Variants in IGBP1 observed in about 807,000 individuals in gnomAD.
IGBP1 encodes immunoglobulin-binding protein 1.
Under a neutral mutation model 25.9 loss-of-function variants are expected in IGBP1, and 2 were observed. The observed-to-expected ratio is 0.08, with a 90% CI of 0.03 to 0.24. IGBP1 has a LOEUF of 0.24. IGBP1 is among the 10% of genes least tolerant of loss of function. The probability of loss-of-function intolerance (pLI) is 1.00; values close to 1 mark genes in which losing one functional copy is unlikely to be tolerated. For missense variants in IGBP1, 187 were observed against 260.4 expected, an observed-to-expected ratio of 0.72 and a Z score of 1.94; for synonymous variants, 96 against 93.4, an observed-to-expected ratio of 1.03 and a Z score of -0.16.
At position 70,150,089 on chromosome X, in the gene IGBP1, G is replaced by A. The variant is rs2085193006; in HGVS notation, c.759-121G>A. The A allele has an allele frequency of 1.3e-5, 7 of 525,340 alleles. No homozygotes were observed. In the East Asian group the frequency reaches 2.5e-4, roughly 19 times the overall value. The allele number at this position is 525,340 out of a possible 1,213,427, so 43.3% of individuals were successfully genotyped here. Reference sequence around the variant, plus strand: ...AACTCCTCAGAAGTTGACTGGGTAGGGAACAAGGCTGAAACGGACACAGAC... The same window carrying A: ...AACTCCTCAGAAGTTGACTGGGTAGAGAACAAGGCTGAAACGGACACAGAC... On this transcript the variant is annotated intron_variant, in intron 5 of 6. Coordinates refer to ENST00000356413, the MANE Select transcript of IGBP1 (RefSeq NM_001551.3).
At chrX:70,146,434 C>T (rs1569422581) in intron 3 of IGBP1, among the ~76,000 whole-genome samples, 199 bp from the exon 4 acceptor site, 1 of 110,308 alleles carries the variant, frequency 9.1e-6, no homozygotes, top group Non-Finnish European at 1.9e-5. Context: ...ACTCCTCAGC[C>T]CCTGCTGGGC....
intron 6 of IGBP1, among the ~76,000 whole-genome samples, chrX:70,156,833 G>A (rs905473511): frequency 2.7e-5 from 3 of 111,362 alleles, no homozygotes; most frequent in Non-Finnish European, 3.8e-5. Context: ...CCAGCTATTC[G>A]GGAGGCCGAG....
At chrX:70,155,264 A>G (rs2085232254) in intron 6 of IGBP1, among the ~76,000 whole-genome samples, 2 of 112,097 alleles carry the variant, frequency 1.8e-5, no homozygotes, top group African/African-American at 6.5e-5. Context: ...TGGGAGGCCA[A>G]GGCAGGCGGA....
At chrX:70,150,097 G>T (rs2085193038) in intron 5 of IGBP1, 113 bp from the exon 6 acceptor site, 1 of 528,555 alleles carries the variant, frequency 1.9e-6, no homozygotes, top group Admixed American at 2.7e-5. Context: ...AGGGAACAAG[G>T]CTGAAACGGA....
intron 6 of IGBP1, among the ~76,000 whole-genome samples, chrX:70,160,797 C>T (rs895096255): frequency 8.9e-6 from 1 of 111,917 alleles, no homozygotes; most frequent in Non-Finnish European, 1.9e-5. Flanking sequence ...AAAATTTTAA[C>T]AGTTCTCAGT....
rs1329081037 is a variant in IGBP1 at position 70,133,939 on chromosome X, C to T, written c.-9C>T. 2 of 1,209,161 alleles carry T rather than the reference C, an allele frequency of 1.7e-6. No homozygotes were observed. The highest frequency in any genetic ancestry group is 2.2e-6 in the Non-Finnish European group (2 of 893,380). On this transcript the variant is annotated 5_prime_UTR_variant, in exon 2 of 7. Coordinates refer to ENST00000356413, the MANE Select transcript of IGBP1 (RefSeq NM_001551.3). Reference sequence around the variant, plus strand: ...GAAAAGAGATCTTCCGGGTTCCTCTCTCCCCAAGATGGCTGCTGAGGACGA... The same window carrying T: ...GAAAAGAGATCTTCCGGGTTCCTCTTTCCCCAAGATGGCTGCTGAGGACGA...
At chrX:70,162,410 A>G (rs982843756) in intron 6 of IGBP1, among the ~76,000 whole-genome samples, 1 of 112,265 alleles carries the variant, frequency 8.9e-6, no homozygotes, top group African/African-American at 3.2e-5. Flanking sequence ...GAAACAGACA[A>G]CAAAATGTAC....
In IGBP1 at chrX:70,150,282, T is replaced by C. The variant is rs1216933711; in HGVS notation, c.831T>C (p.Tyr277=). The C allele has an allele frequency of 4.2e-6, 5 of 1,201,967 alleles. No homozygotes were observed. The African/African-American group carries it at 7.0e-5, about 17-fold the overall frequency. Residue 277 remains tyrosine (Y), a synonymous_variant, in exon 6 of 7, where the codon TAT becomes TAC. Coordinates refer to ENST00000356413, the MANE Select transcript of IGBP1 (RefSeq NM_001551.3). ...VSDWYEQHRK[Y]GALPDQGIAK... ...ACTGGTATGAGCAACATCGGAAATA[T>C]GGAGCATTACCGGATCAGGGAATAG...
At chrX:70,152,104 T>C (rs969054397) in intron 6 of IGBP1, among the ~76,000 whole-genome samples, 3 of 110,970 alleles carry the variant, frequency 2.7e-5, no homozygotes, top group Non-Finnish European at 5.7e-5. Context: ...GTCTTACTGT[T>C]TGAGGAATGA....
At position 70,155,513 on chromosome X, in the gene IGBP1, A is replaced by G. The variant is rs1490115250; in HGVS notation, c.871+5191A>G. On this transcript the variant is annotated intron_variant, in intron 6 of 6. Coordinates refer to ENST00000356413, the MANE Select transcript of IGBP1 (RefSeq NM_001551.3). ...CTGTCTCAAAAAAAAAAAAAAAAAA[A>G]AAGATATATAGGTTGAGCATCCTAA... 8.3e-5 allele frequency among the ~76,000 whole-genome samples: 9 copies of G among 109,027 alleles called. No homozygotes were observed. The Admixed American group carries it at 8.9e-4, about 11-fold the overall frequency. 94.7% of individuals were successfully genotyped at this position (109,027 alleles called of 115,157 possible).
Position 70,146,686 on chromosome X carries a change from T to C in IGBP1, c.536T>C (p.Val179Ala), listed in dbSNP as rs368773089. The change falls in exon 4 of 7, where the codon GTG becomes GCG. Residue 179 changes from valine to alanine, a missense_variant. Transcript: ENST00000356413. Reference sequence around the variant, plus strand: ...AGGTTGTCTGCAATGAAATCTGCTGTGGAAAGTGGTCAAGCAGATGATGAG... The same window carrying C: ...AGGTTGTCTGCAATGAAATCTGCTGCGGAAAGTGGTCAAGCAGATGATGAG... ...EHRLSAMKSA[V>A]ESGQADDERV... 49 of 1,204,315 alleles carry C rather than the reference T, an allele frequency of 4.1e-5. No homozygotes were observed. In the Middle Eastern group the frequency reaches 9.2e-4, roughly 23 times the overall value.
intron 6 of IGBP1, among the ~76,000 whole-genome samples, chrX:70,164,716 G>A (rs2085287879): frequency 8.9e-6 from 1 of 111,854 alleles, no homozygotes; most frequent in Non-Finnish European, 1.9e-5. Context: ...CCTGAGTGGA[G>A]GCTATAAGGC....
chrX:70,157,949 A>G (rs1006241789), intron 6 of IGBP1, among the ~76,000 whole-genome samples: 3 of 112,431 alleles, frequency 2.7e-5, no homozygotes, highest in African/African-American at 9.7e-5. Flanking sequence ...GACAATATTT[A>G]TAATGAAAAT....
chrX:70,141,346 C>CA lies in IGBP1; in HGVS notation c.483-5275dup, dbSNP rs377628315. 4.4e-3 allele frequency among the ~76,000 whole-genome samples: 377 copies of CA among 86,009 alleles called. 2 individuals carry two copies. The highest frequency in any genetic ancestry group is 5.9e-3 in the Middle Eastern group (1 of 169). The allele number at this position is 86,009 out of a possible 115,157, so 74.7% of individuals were successfully genotyped here. On this transcript the variant is annotated intron_variant, in intron 3 of 6. Transcript: ENST00000356413. ...TGGGCGACAGAGCAAGACCCTGTTGCAAAAAAAAAAAAGAAACTCAGTAAG... is the reference window on the plus strand; with the variant it reads ...TGGGCGACAGAGCAAGACCCTGTTGCAAAAAAAAAAAAAGAAACTCAGTAAG...
chrX:70,141,113 A>C (rs976457880), intron 3 of IGBP1, among the ~76,000 whole-genome samples: 1 of 110,869 alleles, frequency 9.0e-6, no homozygotes, highest in Non-Finnish European at 1.9e-5. Context: ...TGGGAGACTG[A>C]GGTGGGTAGA....
In IGBP1 at chrX:70,133,779, A is replaced by C; in HGVS notation, c.-169A>C. 1 of 465,631 alleles carries C rather than the reference A, an allele frequency of 2.1e-6. No homozygotes were observed. Among genetic ancestry groups the C allele is most frequent in the Non-Finnish European group, 3.7e-6 (1 of 269,076 alleles). The allele number at this position is 465,631 out of a possible 1,213,427, so 38.4% of individuals were successfully genotyped here. ...AAATGAGTCTATGGAAACGGTTGCC[A>C]GGGCCGGCTAACAGCGGCTCCCGGA... is the stretch of plus-strand genomic sequence containing the variant. On this transcript the variant is annotated 5_prime_UTR_variant, in exon 2 of 7. Coordinates refer to ENST00000356413, the MANE Select transcript of IGBP1 (RefSeq NM_001551.3).
intron 3 of IGBP1, among the ~76,000 whole-genome samples, chrX:70,146,280 G>A (rs1024773177): frequency 2.7e-5 from 3 of 110,936 alleles, no homozygotes; most frequent in African/African-American, 9.8e-5. Flanking sequence ...TTCCCAAAAT[G>A]GAAGCATCAC....
chrX:70,165,534 G>A (rs1444936328), intron 6 of IGBP1, among the ~76,000 whole-genome samples: 1 of 110,395 alleles, frequency 9.1e-6, no homozygotes, highest in Non-Finnish European at 1.9e-5. Context: ...GGGGGGGTGG[G>A]TGTTGGCCAT....
In IGBP1 at chrX:70,166,017, A is replaced by T. The variant is rs1485907943; in HGVS notation, c.*36A>T. On this transcript the variant is annotated 3_prime_UTR_variant, in exon 7 of 7. Coordinates refer to ENST00000356413, the MANE Select transcript of IGBP1 (RefSeq NM_001551.3). ...ACACCACAGGACTGCAGGGTGCACA[A>T]CTCCCCTGCCAAGGAAAACCATGCA... is the stretch of plus-strand genomic sequence containing the variant. 8.4e-7 allele frequency: 1 copy of T among 1,192,873 alleles called. No individual in the cohort carries two copies. Among genetic ancestry groups the T allele is most frequent in the Non-Finnish European group, 1.1e-6 (1 of 881,957 alleles).
Sources: gnomAD v4.1 joint callset for allele counts (sites outside exome capture counted in the v4.1 genomes callset) on GRCh38, gnomAD v4.1.1 for gene constraint, MANE v1.5 for transcripts, NCBI Gene and HGNC (gene_info 2026-07-23, HGNC 2026-07-21) for gene names.